Variants in ARHGAP10 observed in about 807,000 individuals in gnomAD.
ARHGAP10 encodes Rho GTPase activating protein 10.
In ARHGAP10, 87 loss-of-function variants were observed where a neutral mutation model predicts 108.6. The observed-to-expected ratio is 0.80, with a 90% CI of 0.67 to 0.96. ARHGAP10 has a LOEUF of 0.96. Among genes scored for constraint, ARHGAP10 ranks in the 40% least tolerant of loss-of-function variants. ARHGAP10 has a pLI of 0.00. For missense variants in ARHGAP10, 939 were observed against 954.5 expected (o/e 0.98, Z 0.21); for synonymous variants, 347 against 341.1 (o/e 1.02, Z -0.19).
At chr4:147,762,654 C>G (rs1034663594) in intron 1 of ARHGAP10, among the ~76,000 whole-genome samples, 4 of 151,850 alleles carry the variant, frequency 2.6e-5, no homozygotes, top group Admixed American at 6.6e-5. Context: ...CTCAGCCTCC[C>G]AAGTAGCTGG....
At chr4:147,877,834 T>TTTTTTTTTTG (rs1735138026) in intron 8 of ARHGAP10, among the ~76,000 whole-genome samples, 3 of 151,538 alleles carry the variant, frequency 2.0e-5, no homozygotes, top group Admixed American at 2.0e-4. Flanking sequence ...TTTTTTTTTT[T>TTTTTTTTTTG]GCTGAGATTA....
chr4:147,905,410 T>C (rs1736445198), intron 10 of ARHGAP10, among the ~76,000 whole-genome samples: 1 of 141,614 alleles, frequency 7.1e-6, no homozygotes, highest in African/African-American at 2.6e-5. Context: ...AATTTTTGTA[T>C]AAGGTGTAAG....
chr4:147,902,978 T>A (rs1179995693), intron 10 of ARHGAP10, among the ~76,000 whole-genome samples: 1 of 152,040 alleles, frequency 6.6e-6, no homozygotes, highest in East Asian at 1.9e-4. Flanking sequence ...CTGTGAGAAC[T>A]CTCATGGAAG....
At position 148,023,279 on chromosome 4, in the gene ARHGAP10, C is replaced by T. The variant is rs1295344475; in HGVS notation, c.1733C>T (p.Pro578Leu). The change falls in exon 19 of 23, where the codon CCC (proline) becomes CTC (leucine). Residue 578 changes from proline to leucine, a missense_variant. By Grantham distance (98) the Pro-to-Leu change is moderately conservative. Transcript: ENST00000336498. ...ENHEKIFRTP[P>L]DTTFPEPTCL... ...TGTTGGAAGATTTTTCGGACGCCGCCCGATACTACATTCCCTGAGCCCACC... is the reference window on the plus strand; with the variant it reads ...TGTTGGAAGATTTTTCGGACGCCGCTCGATACTACATTCCCTGAGCCCACC... 6.2e-7 allele frequency: 1 copy of T among 1,614,044 alleles called. No homozygotes were observed. The highest frequency in any genetic ancestry group is 2.2e-5 in the East Asian group (1 of 44,882).
chr4:147,855,878 GA>G (rs1477163025), intron 4 of ARHGAP10, among the ~76,000 whole-genome samples: 1 of 151,956 alleles, frequency 6.6e-6, no homozygotes, highest in Admixed American at 6.6e-5. Flanking sequence ...CCCATGTGGT[GA>G]AAAAAGATAA....
intron 12 of ARHGAP10, among the ~76,000 whole-genome samples, chr4:147,911,523 C>T (rs1005607569): frequency 9.9e-5 from 15 of 152,102 alleles, no homozygotes; most frequent in Admixed American, 5.2e-4. Flanking sequence ...CCATCACGCC[C>T]GGCTAATTTA....
intron 1 of ARHGAP10, among the ~76,000 whole-genome samples, chr4:147,786,216 G>T (rs1394397997): frequency 6.6e-6 from 1 of 152,160 alleles, no homozygotes; most frequent in Non-Finnish European, 1.5e-5. Context: ...GAGCCTGGAA[G>T]CCTCTCTTAA....
chr4:147,993,047 A>G (rs531370930), intron 18 of ARHGAP10, among the ~76,000 whole-genome samples: 2 of 152,356 alleles, frequency 1.3e-5, no homozygotes, highest in South Asian at 4.1e-4. Context: ...TCTTTCTAAT[A>G]TCTTACCTAT....
chr4:147,949,404 T>G (rs901307215), intron 15 of ARHGAP10, among the ~76,000 whole-genome samples: 2 of 152,224 alleles, frequency 1.3e-5, no homozygotes, highest in African/African-American at 4.8e-5. Context: ...GCTGAGAAAT[T>G]AGAACAGTGT....
intron 3 of ARHGAP10, among the ~76,000 whole-genome samples, chr4:147,834,606 G>A (rs1294076711): frequency 6.6e-6 from 1 of 151,874 alleles, no homozygotes; most frequent in Non-Finnish European, 1.5e-5. Flanking sequence ...GCCTTCTAAC[G>A]GCAGCCTTGT....
chr4:147,872,317 A>G (rs1026846007), intron 7 of ARHGAP10, among the ~76,000 whole-genome samples: 1 of 152,080 alleles, frequency 6.6e-6, no homozygotes, highest in Non-Finnish European at 1.5e-5. Context: ...GAGAATGAGA[A>G]CCAGGCTTCT....
chr4:147,738,445 C>T (rs1450916611), intron 1 of ARHGAP10, among the ~76,000 whole-genome samples: 1 of 151,896 alleles, frequency 6.6e-6, no homozygotes, highest in Admixed American at 6.6e-5. Context: ...CCCAGCTACT[C>T]GGGAGGCTGA....
At position 148,010,871 on chromosome 4, in the gene ARHGAP10, T is replaced by C. The variant is rs571233936; in HGVS notation, c.1717-12392T>C. 3.9e-5 allele frequency among the ~76,000 whole-genome samples: 6 copies of C among 152,338 alleles called. No individual in the cohort carries two copies. The South Asian group carries it at 1.2e-3, about 32-fold the overall frequency. On this transcript the variant is annotated intron_variant, in intron 18 of 22. Coordinates refer to ENST00000336498, the MANE Select transcript of ARHGAP10 (RefSeq NM_024605.4). ...GGTAGTCCATATTTATACTTCCCCG[T>C]TGTCAAATGACATTTTTAATAGAAA...
intron 15 of ARHGAP10, among the ~76,000 whole-genome samples, chr4:147,947,191 A>G (rs1738418885): frequency 6.6e-6 from 1 of 150,728 alleles, no homozygotes; most frequent in African/African-American, 2.4e-5. Flanking sequence ...ATTTAGGACT[A>G]GAGTTAGAGG....
intron 4 of ARHGAP10, among the ~76,000 whole-genome samples, chr4:147,852,368 C>T (rs1393527385): frequency 6.6e-6 from 1 of 152,152 alleles, no homozygotes; most frequent in Admixed American, 6.5e-5. Context: ...CTGCCAGGCA[C>T]CCTTCTGGGT....
chr4:147,815,361 C>A (rs530152065), intron 1 of ARHGAP10, among the ~76,000 whole-genome samples: 169 of 152,274 alleles, frequency 1.1e-3, no homozygotes, highest in Non-Finnish European at 1.9e-3. Context: ...GAATGGTGGC[C>A]CTCCAGTGAT....
intron 1 of ARHGAP10, among the ~76,000 whole-genome samples, chr4:147,763,565 C>T (rs955755947): frequency 2.6e-5 from 4 of 151,950 alleles, no homozygotes; most frequent in Admixed American, 6.6e-5. Context: ...CTGCCCTGAC[C>T]TCCCAAAGTG....
intron 10 of ARHGAP10, among the ~76,000 whole-genome samples, chr4:147,884,444 G>A (rs1486224225): frequency 6.6e-6 from 1 of 152,178 alleles, no homozygotes; most frequent in Non-Finnish European, 1.5e-5. Flanking sequence ...TCATGTTAAT[G>A]TGTATATAAA....
rs1021802728 is a variant in ARHGAP10 at position 147,746,213 on chromosome 4, T to G, written c.154+13758T>G. ...CTGCCTCCGGGGTTAAAGCGATTCT[T>G]CTGCCTCAGCCTCCCGAGTAGCTGG... On this transcript the variant is annotated intron_variant, in intron 1 of 22. Coordinates refer to ENST00000336498, the MANE Select transcript of ARHGAP10 (RefSeq NM_024605.4). Among the ~76,000 whole-genome samples the G allele has an allele frequency of 2.7e-5, 4 of 148,788 alleles. No individual in the cohort carries two copies. The East Asian group carries it at 6.0e-4, about 22-fold the overall frequency.
Sources: gnomAD v4.1 joint callset for allele counts (sites outside exome capture counted in the v4.1 genomes callset) on GRCh38, gnomAD v4.1.1 for gene constraint, MANE v1.5 for transcripts, NCBI Gene and HGNC (gene_info 2026-07-23, HGNC 2026-07-21) for gene names.